The following CADM2 variants were observed in gnomAD, a reference collection of about 807,000 sequenced individuals.
CADM2 encodes the protein immunoglobulin superfamily member 4D.
CADM2 carries 12 observed loss-of-function variants against 49.8 expected under a neutral mutation model. That is an observed-to-expected ratio of 0.24 (90% confidence interval 0.15 to 0.39). The LOEUF is 0.39. Ranked by LOEUF, CADM2 falls within the 10% of genes least tolerant of loss-of-function variation. The pLI is 1.00. For synonymous variants in CADM2, 214 were observed against 175.4 expected (o/e 1.22, Z -1.74); for missense variants, 378 against 492.3 (o/e 0.77, Z 2.20).
At chr3:85,677,897 A>C (rs559325138) in intron 1 of CADM2, among the ~76,000 whole-genome samples, 7 of 152,340 alleles carry the variant, frequency 4.6e-5, no homozygotes, top group African/African-American at 1.7e-4. Flanking sequence ...CAGCTCTGCT[A>C]CTGGACCTCT....
intron 6 of CADM2, among the ~76,000 whole-genome samples, chr3:85,914,313 T>C (rs1019942028): frequency 6.6e-6 from 1 of 152,062 alleles, no homozygotes; most frequent in Non-Finnish European, 1.5e-5. Context: ...AGTAGAGGAG[T>C]CATTCCTGTG....
chr3:85,664,830 T>C (rs1422203697), intron 1 of CADM2, among the ~76,000 whole-genome samples: 1 of 152,026 alleles, frequency 6.6e-6, no homozygotes, highest in Non-Finnish European at 1.5e-5. Flanking sequence ...AGCACTTTAC[T>C]AAAATGGCAG....
At chr3:85,562,146 C>T (rs1379899409) in intron 1 of CADM2, among the ~76,000 whole-genome samples, 4 of 151,900 alleles carry the variant, frequency 2.6e-5, no homozygotes, top group African/African-American at 9.7e-5. Context: ...TTAGAGGGAG[C>T]ATGGAATCAA....
chr3:86,044,492 A>T (rs534094585), intron 8 of CADM2, among the ~76,000 whole-genome samples: 1 of 152,374 alleles, frequency 6.6e-6, no homozygotes, highest in African/African-American at 2.4e-5. Context: ...AGAAAAATGC[A>T]AATCAAAACC....
intron 8 of CADM2, among the ~76,000 whole-genome samples, chr3:86,062,647 A>G (rs1374209158): frequency 1.4e-5 from 2 of 141,564 alleles, no homozygotes; most frequent in Non-Finnish European, 3.0e-5. Flanking sequence ...GAGGCTAATT[A>G]GCTATGGTAG....
chr3:85,128,259 T>G (rs1415160554), intron 1 of CADM2, among the ~76,000 whole-genome samples: 1 of 152,202 alleles, frequency 6.6e-6, no homozygotes, highest in Non-Finnish European at 1.5e-5. Flanking sequence ...CCCAGGAACA[T>G]GGGCCATTTA....
intron 1 of CADM2, among the ~76,000 whole-genome samples, chr3:84,997,463 A>T (rs2033238530): frequency 6.6e-6 from 1 of 152,058 alleles, no homozygotes; most frequent in South Asian, 2.1e-4. Context: ...GTATTTAACA[A>T]CATAGAAAAT....
At chr3:85,744,571 G>T (rs1362525047) in intron 2 of CADM2, among the ~76,000 whole-genome samples, 2 of 151,968 alleles carry the variant, frequency 1.3e-5, no homozygotes, top group Non-Finnish European at 1.5e-5. Context: ...AATACTCGGG[G>T]TAAGGTCTTA....
intron 1 of CADM2, among the ~76,000 whole-genome samples, chr3:85,644,734 GAAGT>G (rs2064834367): frequency 6.6e-6 from 1 of 152,086 alleles, no homozygotes; most frequent in African/African-American, 2.4e-5. Context: ...ATTAAATAGG[GAAGT>G]AAGTAACTCT....
intron 1 of CADM2, among the ~76,000 whole-genome samples, chr3:85,197,245 A>G (rs1289595752): frequency 6.6e-6 from 1 of 150,432 alleles, no homozygotes; most frequent in East Asian, 2.1e-4. Flanking sequence ...AGAGGTAGAG[A>G]AAAAAAAACA....
intron 1 of CADM2, among the ~76,000 whole-genome samples, chr3:85,450,250 T>G (rs2107565835): frequency 6.6e-6 from 1 of 152,290 alleles, no homozygotes; most frequent in East Asian, 1.9e-4. Context: ...TGGTCTAATT[T>G]ACTTATCCAA....
chr3:85,702,633 T>A (rs2066815988), intron 1 of CADM2, among the ~76,000 whole-genome samples: 1 of 152,226 alleles, frequency 6.6e-6, no homozygotes, highest in African/African-American at 2.4e-5. Context: ...ATGATTTGTA[T>A]ATCTGAAGTA....
chr3:85,719,437 C>G (rs1404289234), intron 1 of CADM2, among the ~76,000 whole-genome samples: 1 of 152,106 alleles, frequency 6.6e-6, no homozygotes, highest in Non-Finnish European at 1.5e-5. Flanking sequence ...TACCAATAGC[C>G]TGCTGTTGAC....
At chr3:85,583,647 C>A (rs2062856296) in intron 1 of CADM2, among the ~76,000 whole-genome samples, 1 of 151,754 alleles carries the variant, frequency 6.6e-6, no homozygotes, top group Admixed American at 6.6e-5. Flanking sequence ...AATGTGGGAG[C>A]AAATGGGACA....
intron 1 of CADM2, among the ~76,000 whole-genome samples, chr3:85,525,590 C>A (rs1341080951): frequency 1.3e-5 from 2 of 152,076 alleles, no homozygotes; most frequent in Non-Finnish European, 2.9e-5. Context: ...TGATTTTTAT[C>A]AATGTGATAA....
chr3:85,268,474 G>GAT (rs931384191), intron 1 of CADM2, among the ~76,000 whole-genome samples: 3 of 151,210 alleles, frequency 2.0e-5, no homozygotes, highest in Admixed American at 6.6e-5. Context: ...CAATCAGGAG[G>GAT]ATATATATTG....
intron 6 of CADM2, among the ~76,000 whole-genome samples, chr3:85,930,355 C>T (rs1201099907): frequency 6.6e-6 from 1 of 151,882 alleles, no homozygotes; most frequent in Non-Finnish European, 1.5e-5. Flanking sequence ...TTATGGGGTA[C>T]ATGAGATGTT....
chr3:85,390,140 T>C (rs945384137), intron 1 of CADM2, among the ~76,000 whole-genome samples: 4 of 152,010 alleles, frequency 2.6e-5, no homozygotes, highest in Non-Finnish European at 5.9e-5. Context: ...ATAATATTTA[T>C]ATAATGAATT....
intron 1 of CADM2, among the ~76,000 whole-genome samples, chr3:85,416,172 T>A (rs2035911521): frequency 6.6e-6 from 1 of 152,150 alleles, no homozygotes. Context: ...AAAGCTCAGT[T>A]GTTTAAAAGT....
Sources: allele counts gnomAD v4.1 joint callset (sites outside exome capture counted in the v4.1 genomes callset), GRCh38; gene constraint gnomAD v4.1.1; transcripts MANE v1.5; gene names NCBI Gene and HGNC (gene_info 2026-07-23, HGNC 2026-07-21).